The following ADGRL3 variants were observed in gnomAD, a reference collection of about 807,000 sequenced individuals.
The protein encoded by ADGRL3 is calcium-independent alpha-latrotoxin receptor 3.
ADGRL3 carries 62 observed loss-of-function variants against 153.5 expected under a neutral mutation model. The observed-to-expected ratio is 0.40, with a 90% CI of 0.33 to 0.50. The LOEUF is 0.50. ADGRL3 is among the 20% of genes least tolerant of loss of function. The pLI, the probability that ADGRL3 is intolerant of heterozygous loss-of-function variation, is 0.47. For missense variants in ADGRL3, 1,641 were observed against 1,859.4 expected (o/e 0.88, Z 2.16); for synonymous variants, 710 against 672.5 (o/e 1.06, Z -0.86).
At chr4:61,755,931 G>C (rs2096824048) in intron 8 of ADGRL3, among the ~76,000 whole-genome samples, 1 of 152,144 alleles carries the variant, frequency 6.6e-6, no homozygotes, top group Admixed American at 6.6e-5. Context: ...GATGGTTGTA[G>C]ATATGCGGCA....
At chr4:61,787,730 AT>A (rs1268078282) in intron 8 of ADGRL3, among the ~76,000 whole-genome samples, 2 of 152,018 alleles carry the variant, frequency 1.3e-5, no homozygotes, top group African/African-American at 2.4e-5. Context: ...ATAAAATATT[AT>A]TTTTATACAG....
intron 4 of ADGRL3, among the ~76,000 whole-genome samples, chr4:61,580,633 G>A (rs779944114): frequency 1.2e-4 from 19 of 152,088 alleles, no homozygotes; most frequent in Middle Eastern, 3.4e-3. Flanking sequence ...ATAGCCCCGG[G>A]GTTTCTCATG....
intron 5 of ADGRL3, among the ~76,000 whole-genome samples, chr4:61,645,283 A>G (rs1395663954): frequency 1.3e-5 from 2 of 152,028 alleles, no homozygotes; most frequent in Admixed American, 6.6e-5. Flanking sequence ...TAGTCTATTT[A>G]CATTTAAAGT....
intron 2 of ADGRL3, among the ~76,000 whole-genome samples, chr4:61,456,439 AGATATATCTATATC>A (rs2097752833): frequency 7.9e-6 from 1 of 126,570 alleles, no homozygotes. Flanking sequence ...CTATATATAT[AGATATATCTATATC>A]TATATATATA....
chr4:61,300,304 A>G (rs1480323822), intron 1 of ADGRL3, among the ~76,000 whole-genome samples: 5 of 152,236 alleles, frequency 3.3e-5, no homozygotes, highest in African/African-American at 1.2e-4. Context: ...CATAAATCTT[A>G]CAAACAAATC....
rs557659210 is a variant in ADGRL3, at chr4:61,751,800, A to G, written c.1399+18246A>G. The stretch of plus-strand genomic sequence containing the variant: ...GACATTCAGACGTATTGCTAACAAC[A>G]CTCTCATGCTTATATCTATGAGCAG... On this transcript the variant is annotated intron_variant, in intron 8 of 26. Coordinates refer to ENST00000683033, the MANE Select transcript of ADGRL3 (RefSeq NM_001387552.1). Among the ~76,000 whole-genome samples, 9 of 152,176 alleles carry G rather than the reference A, an allele frequency of 5.9e-5. No individual in the cohort carries two copies. In the East Asian group the frequency reaches 1.7e-3, roughly 29 times the overall value.
intron 4 of ADGRL3, among the ~76,000 whole-genome samples, chr4:61,524,107 G>A (rs2098546424): frequency 6.6e-6 from 1 of 151,980 alleles, no homozygotes; most frequent in Non-Finnish European, 1.5e-5. Flanking sequence ...TCAATTACTA[G>A]GAAATATCTT....
At chr4:61,935,781 T>G (rs904170181) in intron 14 of ADGRL3, 142 bp from the exon 15 acceptor site, 2 of 784,204 alleles carry the variant, frequency 2.6e-6, no homozygotes, top group African/African-American at 3.5e-5. Flanking sequence ...AACAATATAT[T>G]TTCTTAAAGA....
chr4:61,327,033 C>T (rs1428723792), intron 1 of ADGRL3, among the ~76,000 whole-genome samples: 2 of 151,850 alleles, frequency 1.3e-5, no homozygotes, highest in Non-Finnish European at 2.9e-5. Context: ...AACACTCCAC[C>T]TTTTAATATT....
chr4:61,492,035 A>ACAAT (rs1379227651), intron 2 of ADGRL3, among the ~76,000 whole-genome samples: 2 of 151,812 alleles, frequency 1.3e-5, no homozygotes, highest in African/African-American at 4.8e-5. Flanking sequence ...AAACAAACAA[A>ACAAT]CAAACAAACA....
intron 8 of ADGRL3, among the ~76,000 whole-genome samples, chr4:61,767,298 C>T (rs569048226): frequency 0.011 from 1,596 of 150,434 alleles, 27 homozygotes; most frequent in African/African-American, 0.029. Context: ...CAGGTGGGGA[C>T]AACTAAAAAG....
At chr4:61,406,699 G>A (rs751737363) in intron 2 of ADGRL3, among the ~76,000 whole-genome samples, 7 of 151,774 alleles carry the variant, frequency 4.6e-5, no homozygotes, top group Admixed American at 6.6e-5. Context: ...TTCCACATTC[G>A]TGTTTGGAGA....
intron 8 of ADGRL3, among the ~76,000 whole-genome samples, chr4:61,747,921 C>A (rs931147166): frequency 6.6e-6 from 1 of 151,970 alleles, no homozygotes; most frequent in Non-Finnish European, 1.5e-5. Context: ...TGAAATTGTC[C>A]CTGTTTGCAG....
chr4:61,557,615 A>G lies in ADGRL3; in HGVS notation c.260-29612A>G, dbSNP rs1353404089. Reference sequence around the variant, plus strand: ...AGTCATTACTAATGTAAAATTGTACAGCAGGCTGACTGCCTTTCACTCTTT... The same window carrying G: ...AGTCATTACTAATGTAAAATTGTACGGCAGGCTGACTGCCTTTCACTCTTT... On this transcript the variant is annotated intron_variant, in intron 4 of 26. Coordinates refer to ENST00000683033, the MANE Select transcript of ADGRL3 (RefSeq NM_001387552.1). Among the ~76,000 whole-genome samples, 5 of 152,308 alleles carry G rather than the reference A, an allele frequency of 3.3e-5. No individual in the cohort carries two copies. In the South Asian group the frequency reaches 6.2e-4, roughly 19 times the overall value.
chr4:61,460,095 T>A (rs1240380093), intron 2 of ADGRL3, among the ~76,000 whole-genome samples: 1 of 152,156 alleles, frequency 6.6e-6, no homozygotes. Flanking sequence ...ATCTCTTTTG[T>A]CTGTTTTTGT....
chr4:61,852,749 A>G (rs1234974784), intron 9 of ADGRL3, among the ~76,000 whole-genome samples: 1 of 152,156 alleles, frequency 6.6e-6, no homozygotes. Flanking sequence ...GTTAAGTCTA[A>G]AAGTGTGTAG....
intron 1 of ADGRL3, among the ~76,000 whole-genome samples, chr4:61,312,460 TC>T (rs899970636): frequency 3.4e-4 from 51 of 152,166 alleles, no homozygotes; most frequent in African/African-American, 1.2e-3. Flanking sequence ...TAATGAAAAA[TC>T]TAGTCATATC....
At chr4:61,870,580 T>C (rs1236769493) in intron 9 of ADGRL3, among the ~76,000 whole-genome samples, 2 of 150,488 alleles carry the variant, frequency 1.3e-5, no homozygotes, top group Admixed American at 6.7e-5. Context: ...ATTCAAAATA[T>C]ATAAAGAATC....
rs112357446 is a variant in ADGRL3, at chr4:61,911,188, G to A, written c.2073+1443G>A. On this transcript the variant is annotated intron_variant, in intron 12 of 26. Transcript: ENST00000683033. ...ACCGGATGTAGTCATTTCTATTAAT[G>A]TTACATATCCATAACATGACTTGTT... Among the ~76,000 whole-genome samples, 280 of 152,110 alleles carry A rather than the reference G, an allele frequency of 1.8e-3. 2 individuals carry two copies. Among genetic ancestry groups the A allele is most frequent in the African/African-American group, 5.6e-3 (231 of 41,488 alleles).
Sources: allele counts gnomAD v4.1 joint callset (sites outside exome capture counted in the v4.1 genomes callset), GRCh38; gene constraint gnomAD v4.1.1; transcripts MANE v1.5; gene names NCBI Gene and HGNC (gene_info 2026-07-23, HGNC 2026-07-21).